PTPRZ1: variants seen among roughly 807,000 people sequenced by gnomAD.
The protein encoded by PTPRZ1 is protein tyrosine phosphatase receptor type Z1.
A neutral mutation model predicts 214.1 loss-of-function variants in PTPRZ1; 82 were observed. The ratio of observed to expected loss-of-function variants is 0.38; its 90% CI spans 0.32 to 0.46. The LOEUF is 0.46. Among genes scored for constraint, PTPRZ1 ranks in the 20% least tolerant of loss-of-function variants. PTPRZ1 has a pLI of 1.00. For missense variants in PTPRZ1, 2,603 were observed against 2,748.7 expected, an observed-to-expected ratio of 0.95 and a Z score of 1.19; for synonymous variants, 945 against 987.9, an observed-to-expected ratio of 0.96 and a Z score of 0.81.
chr7:122,012,389 A>G lies in PTPRZ1; in HGVS notation c.3343A>G (p.Ile1115Val), dbSNP rs766196092. Residue 1115 changes from isoleucine (I) to valine (V), a missense_variant, in exon 12 of 30, where the codon ATT (isoleucine) becomes GTT (valine). Ile to Val is a conservative substitution (Grantham distance 29). Transcript: ENST00000393386. ...CACCACTAAGGTTTTTGATCATGAG[A>G]TTAGTCAAGTTCCAGAAAATAACTT... ...HTTTKVFDHE[I>V]SQVPENNFSV... 7 of 1,613,952 alleles carry G rather than the reference A, an allele frequency of 4.3e-6. No homozygotes were observed. The highest frequency in any genetic ancestry group is 5.9e-6 in the Non-Finnish European group (7 of 1,179,878).
intron 10 of PTPRZ1, among the ~76,000 whole-genome samples, chr7:122,000,254 A>G (rs1413234596): frequency 6.6e-6 from 1 of 152,168 alleles, no homozygotes; most frequent in Non-Finnish European, 1.5e-5. Flanking sequence ...TGGCATTTTT[A>G]TCCACAGATT....
intron 9 of PTPRZ1, 89 bp from the exon 10 acceptor site, chr7:121,997,791 G>C: frequency 1.7e-6 from 2 of 1,151,298 alleles, no homozygotes; most frequent in Non-Finnish European, 2.4e-6. Context: ...CCACGGACCA[G>C]GGAGAAAAAG....
Position 122,042,625 on chromosome 7 carries a change from C to T in PTPRZ1, c.5819C>T (p.Thr1940Ile), listed in dbSNP as rs200076284. 2.4e-5 allele frequency: 39 copies of T among 1,599,998 alleles called. No homozygotes were observed. Among genetic ancestry groups the T allele is most frequent in the Non-Finnish European group, 3.2e-5 (37 of 1,170,636 alleles). The part of the protein sequence containing the change: ...VVHCSAGVGR[T>I]GTYIVLDSML... ...CTCTTCAGTGCTGGAGTTGGAAGAA[C>T]AGGCACATATATTGTGCTAGACAGT... Residue 1940 changes from threonine to isoleucine, a missense_variant, in exon 22 of 30, where the codon ACA becomes ATA. Transcript: ENST00000393386.
At chr7:121,984,658 C>G (rs1383724746) in intron 8 of PTPRZ1, among the ~76,000 whole-genome samples, 1 of 152,050 alleles carries the variant, frequency 6.6e-6, no homozygotes, top group Non-Finnish European at 1.5e-5. Context: ...AAAATAAATG[C>G]ACTGAGTTAT....
In PTPRZ1 at chr7:121,886,463, AAC is replaced by A. The variant is rs148244179; in HGVS notation, c.58+12936_58+12937del. ...TGAAACATTCCACTCTATTAAATGT[AAC>A]ACACACACACACACACACACACACA... On this transcript the variant is annotated intron_variant, in intron 1 of 29. Transcript: ENST00000393386. 6.3e-3 allele frequency among the ~76,000 whole-genome samples: 937 copies of A among 147,660 alleles called. 7 individuals are homozygous for A. Among genetic ancestry groups the A allele is most frequent in the Middle Eastern group, 0.01 (3 of 286 alleles).
chr7:121,913,000 C>A (rs375672387), intron 1 of PTPRZ1, among the ~76,000 whole-genome samples: 11 of 152,062 alleles, frequency 7.2e-5, no homozygotes, highest in African/African-American at 2.7e-4. Context: ...TTACAGAGCA[C>A]GTTTGCCTAG....
At chr7:121,923,699 T>TGG (rs11398058) in intron 1 of PTPRZ1, among the ~76,000 whole-genome samples, 1,699 of 151,254 alleles carry the variant, frequency 0.011, 36 homozygotes, top group African/African-American at 0.038. Flanking sequence ...TTTAACTTGG[T>TGG]GGGGGGGTGG....
chr7:121,989,534 C>T (rs1417588492), intron 8 of PTPRZ1, among the ~76,000 whole-genome samples: 1 of 152,092 alleles, frequency 6.6e-6, no homozygotes, highest in African/African-American at 2.4e-5. Context: ...GCCACCACAC[C>T]CAGCTAATTT....
intron 10 of PTPRZ1, among the ~76,000 whole-genome samples, chr7:122,003,694 A>G (rs921972985): frequency 6.6e-6 from 1 of 152,208 alleles, no homozygotes; most frequent in African/African-American, 2.4e-5. Context: ...CATCATTATA[A>G]TAATGCTCAA....
At chr7:122,009,634 G>A (rs1004131232) in intron 11 of PTPRZ1, among the ~76,000 whole-genome samples, 3 of 151,922 alleles carry the variant, frequency 2.0e-5, no homozygotes, top group African/African-American at 4.8e-5. Context: ...CTAGCTAGAA[G>A]ACTAGACGTC....
At chr7:121,936,537 G>A (rs780149786) in intron 2 of PTPRZ1, among the ~76,000 whole-genome samples, 5 of 152,176 alleles carry the variant, frequency 3.3e-5, no homozygotes, top group Non-Finnish European at 5.9e-5. Context: ...TTGCAGCCAC[G>A]GCTTTTACAC....
intron 1 of PTPRZ1, among the ~76,000 whole-genome samples, chr7:121,913,414 A>G (rs1795334180): frequency 6.6e-6 from 1 of 152,236 alleles, no homozygotes; most frequent in African/African-American, 2.4e-5. Context: ...GAGCCATAAT[A>G]TGAAATAGTT....
At chr7:122,008,115 T>TA (rs1269374892) in intron 11 of PTPRZ1, among the ~76,000 whole-genome samples, 2 of 152,094 alleles carry the variant, frequency 1.3e-5, no homozygotes, top group Non-Finnish European at 2.9e-5. Context: ...ATAAAAATTT[T>TA]ATGAAAATTT....
intron 12 of PTPRZ1, among the ~76,000 whole-genome samples, chr7:122,014,284 T>A (rs1355793740): frequency 6.6e-6 from 1 of 151,634 alleles, no homozygotes; most frequent in Non-Finnish European, 1.5e-5. Flanking sequence ...TAAAATAAGT[T>A]GTAAACTAAT....
In PTPRZ1 at chr7:121,942,672, A is replaced by G. The variant is rs114894579; in HGVS notation, c.124+14451A>G. Among the ~76,000 whole-genome samples, 851 of 152,326 alleles carry G rather than the reference A, an allele frequency of 5.6e-3. 8 individuals carry two copies. The highest frequency in any genetic ancestry group is 0.019 in the African/African-American group (805 of 41,586). ...TCATTTTAAAAAGTAAATTTAGTAG[A>G]AAGCTAATTTTGGCATATAATGCAA... On this transcript the variant is annotated intron_variant, in intron 2 of 29. Coordinates refer to ENST00000393386, the MANE Select transcript of PTPRZ1 (RefSeq NM_002851.3).
chr7:121,913,107 T>C (rs897378806), intron 1 of PTPRZ1, among the ~76,000 whole-genome samples: 1 of 152,066 alleles, frequency 6.6e-6, no homozygotes, highest in South Asian at 2.1e-4. Context: ...TATTAAAAAA[T>C]TATTACTCAA....
At chr7:121,990,616 T>C (rs2116591560) in intron 8 of PTPRZ1, among the ~76,000 whole-genome samples, 1 of 147,786 alleles carries the variant, frequency 6.8e-6, no homozygotes, top group African/African-American at 2.5e-5. Context: ...ACCTCCTGGG[T>C]TCAAGCGATT....
At chr7:121,899,329 TG>T (rs1794892709) in intron 1 of PTPRZ1, among the ~76,000 whole-genome samples, 2 of 152,210 alleles carry the variant, frequency 1.3e-5, no homozygotes, top group Non-Finnish European at 2.9e-5. Context: ...TATATTCATA[TG>T]TGATTTCAAG....
intron 17 of PTPRZ1, among the ~76,000 whole-genome samples, chr7:122,035,326 G>A (rs1431708147): frequency 1.3e-5 from 2 of 152,042 alleles, no homozygotes; most frequent in African/African-American, 2.4e-5. Flanking sequence ...TTTTAGTAGA[G>A]GGCTTTATGT....
Sources: gnomAD v4.1 joint callset for allele counts (sites outside exome capture counted in the v4.1 genomes callset) on GRCh38, gnomAD v4.1.1 for gene constraint, MANE v1.5 for transcripts, NCBI Gene and HGNC (gene_info 2026-07-23, HGNC 2026-07-21) for gene names.